Variants in PLPPR1 observed in about 807,000 individuals in gnomAD.
PLPPR1 encodes phospholipid phosphatase-related protein type 1.
In PLPPR1, 10 loss-of-function variants were observed where a neutral mutation model predicts 33.1. The observed-to-expected ratio is 0.30, with a 90% confidence interval of 0.19 to 0.51. The LOEUF (loss-of-function observed/expected upper bound fraction) is 0.51, where lower values mean the gene tolerates loss of function less well. PLPPR1 is among the 20% of genes least tolerant of loss of function. The pLI is 0.97. For missense variants in PLPPR1, 304 were observed against 408.1 expected, an observed-to-expected ratio of 0.74 and a Z score of 2.20; for synonymous variants, 151 against 151.0, an observed-to-expected ratio of 1.00 and a Z score of 0.00.
chr9:101,125,295 G>A (rs561930480), intron 1 of PLPPR1: 1 of 165,198 alleles, frequency 6.1e-6, no homozygotes, highest in South Asian at 1.7e-4. Context: ...TTACGTACTT[G>A]TCTCTACTTT....
intron 1 of PLPPR1, among the ~76,000 whole-genome samples, chr9:101,157,313 G>A (rs911746664): frequency 6.6e-6 from 1 of 152,162 alleles, no homozygotes; most frequent in African/African-American, 2.4e-5. Flanking sequence ...GGCATATCAA[G>A]GTTTCACTAA....
intron 7 of PLPPR1, among the ~76,000 whole-genome samples, chr9:101,321,000 G>A (rs747767432): frequency 1.3e-4 from 20 of 152,102 alleles, no homozygotes; most frequent in South Asian, 4.1e-4. Flanking sequence ...ACAGGGGGCT[G>A]GTATACTGAA....
intron 1 of PLPPR1, among the ~76,000 whole-genome samples, chr9:101,037,054 C>G (rs1830019058): frequency 6.6e-6 from 1 of 152,100 alleles, no homozygotes; most frequent in African/African-American, 2.4e-5. Context: ...TCTTGCCACC[C>G]ACGATGCCAT....
At chr9:101,154,282 A>G (rs983700562) in intron 1 of PLPPR1, among the ~76,000 whole-genome samples, 19 of 152,164 alleles carry the variant, frequency 1.2e-4, no homozygotes, top group African/African-American at 4.1e-4. Flanking sequence ...TTCAGAAGGA[A>G]TGGTACCAGC....
chr9:101,168,912 G>A (rs1318556173), intron 1 of PLPPR1, among the ~76,000 whole-genome samples: 1 of 152,018 alleles, frequency 6.6e-6, no homozygotes, highest in East Asian at 1.9e-4. Flanking sequence ...CTTTTATGTA[G>A]TCAGTCCTAC....
intron 1 of PLPPR1, among the ~76,000 whole-genome samples, chr9:101,168,066 A>G (rs941253756): frequency 1.3e-5 from 2 of 152,154 alleles, no homozygotes; most frequent in African/African-American, 4.8e-5. Flanking sequence ...ACCTGCCCCT[A>G]TGATTCAATT....
chr9:101,249,708 G>T (rs1827682217), intron 2 of PLPPR1, among the ~76,000 whole-genome samples: 1 of 152,066 alleles, frequency 6.6e-6, no homozygotes, highest in Admixed American at 6.6e-5. Context: ...GTTTAGTTAG[G>T]TGAGCGTTAT....
rs139240678 is a variant in PLPPR1 at position 101,159,847 on chromosome 9, T to C, written c.-45-25603T>C. 5.9e-5 allele frequency among the ~76,000 whole-genome samples: 9 copies of C among 152,354 alleles called. No homozygotes were observed. In the East Asian group the frequency reaches 1.7e-3, roughly 29 times the overall value. ...AACTACTGTATTCCAAGCTTTGTGTTGACAGTTTTAACCTTTGCATGTCAT... is the reference window on the plus strand; with the variant it reads ...AACTACTGTATTCCAAGCTTTGTGTCGACAGTTTTAACCTTTGCATGTCAT... On this transcript the variant is annotated intron_variant, in intron 1 of 7. Coordinates refer to ENST00000374874, the MANE Select transcript of PLPPR1 (RefSeq NM_207299.2).
In PLPPR1 at chr9:101,185,574, A is replaced by T; in HGVS notation, c.63+17A>T. The T allele has an allele frequency of 6.7e-7, 1 of 1,493,248 alleles. No individual in the cohort carries two copies. Among genetic ancestry groups the T allele is most frequent in the Non-Finnish European group, 9.2e-7 (1 of 1,081,486 alleles). 92.5% of individuals were successfully genotyped at this position (1,493,248 alleles called of 1,614,324 possible). Reference sequence around the variant, plus strand: ...TTTGTTGAGGTATGTGTATTTTTTAACCTTTATGGACAAATTGAAATAAAA... The same window carrying T: ...TTTGTTGAGGTATGTGTATTTTTTATCCTTTATGGACAAATTGAAATAAAA... On this transcript the variant is annotated intron_variant, in intron 2 of 7. Coordinates refer to ENST00000374874, the MANE Select transcript of PLPPR1 (RefSeq NM_207299.2).
At chr9:101,227,499 G>GT (rs200343428) in intron 2 of PLPPR1, among the ~76,000 whole-genome samples, 3,483 of 152,100 alleles carry the variant, frequency 0.023, 127 homozygotes, top group African/African-American at 0.08. Context: ...TTTTAATGGG[G>GT]TTTTTTTCTT....
intron 1 of PLPPR1, among the ~76,000 whole-genome samples, chr9:101,178,395 A>G (rs1340581065): frequency 1.3e-5 from 2 of 152,182 alleles, no homozygotes; most frequent in African/African-American, 4.8e-5. Flanking sequence ...CTCTTCCATC[A>G]TGGAAAGAGC....
At chr9:101,210,784 T>C (rs981706914) in intron 2 of PLPPR1, among the ~76,000 whole-genome samples, 4 of 152,246 alleles carry the variant, frequency 2.6e-5, no homozygotes, top group Admixed American at 2.6e-4. Flanking sequence ...TGTTTTGTTT[T>C]TGAGACGGAG....
At chr9:101,209,112 C>G (rs571907679) in intron 2 of PLPPR1, among the ~76,000 whole-genome samples, 5 of 152,228 alleles carry the variant, frequency 3.3e-5, no homozygotes, top group Non-Finnish European at 7.3e-5. Context: ...ATTCTCAACA[C>G]CCACTTCAAA....
intron 2 of PLPPR1, among the ~76,000 whole-genome samples, chr9:101,221,684 G>GC (rs1330579851): frequency 6.6e-6 from 1 of 152,134 alleles, no homozygotes; most frequent in East Asian, 1.9e-4. Context: ...TGAAGTAACT[G>GC]CCCCAAATCA....
intron 1 of PLPPR1, among the ~76,000 whole-genome samples, chr9:101,076,163 C>T (rs1830533822): frequency 6.6e-6 from 1 of 152,176 alleles, no homozygotes; most frequent in African/African-American, 2.4e-5. Flanking sequence ...CCTCCTGAAT[C>T]AGACACTCTG....
chr9:101,320,827 A>G (rs1829138170), intron 7 of PLPPR1, among the ~76,000 whole-genome samples: 1 of 152,232 alleles, frequency 6.6e-6, no homozygotes, highest in Non-Finnish European at 1.5e-5. Flanking sequence ...GTAAGGCACC[A>G]GGTTTAAGTA....
chr9:101,246,107 T>TATAGATATAG (rs1827606452), intron 2 of PLPPR1, among the ~76,000 whole-genome samples: 6 of 98,306 alleles, frequency 6.1e-5, no homozygotes, highest in African/African-American at 1.9e-4. Flanking sequence ...TATATATATA[T>TATAGATATAG]ATAGATAGAT....
intron 1 of PLPPR1, among the ~76,000 whole-genome samples, chr9:101,065,526 G>A (rs542619075): frequency 2.0e-5 from 3 of 151,994 alleles, no homozygotes; most frequent in South Asian, 4.2e-4. Flanking sequence ...ATAACAAATG[G>A]GTCAAAAATA....
chr9:101,122,030 A>G (rs1476470116), intron 1 of PLPPR1, among the ~76,000 whole-genome samples: 3 of 152,246 alleles, frequency 2.0e-5, no homozygotes, highest in African/African-American at 7.2e-5. Context: ...AAGCTGGAGC[A>G]TGTCCAAATA....
Sources: gnomAD v4.1 joint callset for allele counts (sites outside exome capture counted in the v4.1 genomes callset) on GRCh38, gnomAD v4.1.1 for gene constraint, MANE v1.5 for transcripts, NCBI Gene and HGNC (gene_info 2026-07-23, HGNC 2026-07-21) for gene names.